LOC128462377: variants seen among roughly 807,000 people sequenced by gnomAD.
chr16:89,345,245 G>GC, the LOC128462377 span, among the ~76,000 whole-genome samples: 7 of 146,996 alleles, frequency 4.8e-5, no homozygotes, highest in Non-Finnish European at 9.0e-5. Context: ...CATATTACAA[G>GC]CCCCCCCTCC....
At chr16:89,367,621 T>C in the LOC128462377 span, among the ~76,000 whole-genome samples, 1 of 152,166 alleles carries the variant, frequency 6.6e-6, no homozygotes, top group Non-Finnish European at 1.5e-5. Flanking sequence ...TGGGGGCCTC[T>C]ATAAATCCTC....
chr16:89,374,904 C>T, the LOC128462377 span, among the ~76,000 whole-genome samples: 1 of 152,054 alleles, frequency 6.6e-6, no homozygotes, highest in South Asian at 2.1e-4. Context: ...GAAAGAATTA[C>T]AAACCATACA....
the LOC128462377 span, among the ~76,000 whole-genome samples, chr16:89,377,428 C>A: frequency 2.0e-5 from 3 of 148,566 alleles, no homozygotes; most frequent in Non-Finnish European, 3.0e-5. Context: ...ACAGGGTTTA[C>A]AACAGCCAAT....
chr16:89,410,531 C>T, the LOC128462377 span, among the ~76,000 whole-genome samples: 115 of 152,258 alleles, frequency 7.6e-4, 1 homozygote, highest in South Asian at 0.021. Flanking sequence ...CACCTGCCCC[C>T]GGGCTACAAA....
the LOC128462377 span, among the ~76,000 whole-genome samples, chr16:89,368,371 G>GTTT: frequency 1.4e-3 from 77 of 56,588 alleles, 2 homozygotes; most frequent in East Asian, 2.3e-3. Flanking sequence ...TAATTTTTGT[G>GTTT]TTTTTTTTTT....
chr16:89,338,682 G>A, the LOC128462377 span, among the ~76,000 whole-genome samples: 3 of 121,352 alleles, frequency 2.5e-5, no homozygotes, highest in Non-Finnish European at 4.7e-5. Flanking sequence ...CCAAGATCAC[G>A]CCACTGCCCT....
At chr16:89,326,855 C>T in the LOC128462377 span, among the ~76,000 whole-genome samples, 2 of 152,186 alleles carry the variant, frequency 1.3e-5, no homozygotes, top group South Asian at 2.1e-4. Context: ...AAAGCCTGCC[C>T]GCCAGGGGCT....
At chr16:89,343,881 A>G in the LOC128462377 span, 1 of 152,266 alleles carries the variant, frequency 6.6e-6, no homozygotes, top group South Asian at 2.1e-4. Context: ...ATGGACCAAC[A>G]GAGTAGGGAA....
the LOC128462377 span, chr16:89,323,000 T>C: frequency 3.3e-6 from 1 of 299,370 alleles, no homozygotes; most frequent in African/African-American, 2.3e-5. Flanking sequence ...CGTGGCACCA[T>C]GCCCGGCTAA....
chr16:89,341,147 C>T, the LOC128462377 span, among the ~76,000 whole-genome samples: 3 of 152,248 alleles, frequency 2.0e-5, no homozygotes, highest in South Asian at 2.1e-4. Context: ...GTTTCCACTG[C>T]GAAAAGCCTG....
At chr16:89,398,455 T>C in the LOC128462377 span, among the ~76,000 whole-genome samples, 36,915 of 87,568 alleles carry the variant, frequency 0.42, 13,804 homozygotes, top group Middle Eastern at 0.7. Context: ...CAGCTGAAGA[T>C]TACCTGTAAC....
chr16:89,408,273 G>GCTTCCACATTC, the LOC128462377 span, among the ~76,000 whole-genome samples: 1 of 152,248 alleles, frequency 6.6e-6, no homozygotes, highest in African/African-American at 2.4e-5. Context: ...TAGAGAAGTG[G>GCTTCCACATTC]CAGCCCTTCC....
the LOC128462377 span, among the ~76,000 whole-genome samples, chr16:89,321,930 C>T: frequency 6.6e-6 from 1 of 152,192 alleles, no homozygotes; most frequent in Non-Finnish European, 1.5e-5. Context: ...TTCGTGGAGA[C>T]CCGCTGCTGC....
At chr16:89,344,899 G>C in the LOC128462377 span, among the ~76,000 whole-genome samples, 4 of 152,180 alleles carry the variant, frequency 2.6e-5, no homozygotes, top group Non-Finnish European at 5.9e-5. Context: ...ATTTTCCTTA[G>C]TTTCATTACC....
At chr16:89,325,875 G>A in the LOC128462377 span, among the ~76,000 whole-genome samples, 1 of 152,292 alleles carries the variant, frequency 6.6e-6, no homozygotes, top group South Asian at 2.1e-4. Context: ...GGGCCCCATC[G>A]CCCTGCTAGG....
chr16:89,343,283 G>A, the LOC128462377 span, among the ~76,000 whole-genome samples: 3 of 152,296 alleles, frequency 2.0e-5, no homozygotes, highest in East Asian at 3.9e-4. Flanking sequence ...GTGAGCCACC[G>A]CACTGGGCCT....
chr16:89,371,722 G>C, the LOC128462377 span, among the ~76,000 whole-genome samples: 2 of 152,132 alleles, frequency 1.3e-5, no homozygotes, highest in Non-Finnish European at 2.9e-5. Context: ...TCTCGGGTGT[G>C]GAGGGCGATG....
the LOC128462377 span, among the ~76,000 whole-genome samples, chr16:89,349,579 C>T: frequency 1.3e-5 from 2 of 152,152 alleles, no homozygotes; most frequent in African/African-American, 2.4e-5. Flanking sequence ...ACAAATGATG[C>T]TGGAAATAAT....
chr16:89,404,411 C>T, the LOC128462377 span, among the ~76,000 whole-genome samples: 1 of 152,130 alleles, frequency 6.6e-6, no homozygotes, highest in African/African-American at 2.4e-5. Flanking sequence ...AAGGTACAAC[C>T]CTATTATGTC....
Sources: gnomAD v4.1 joint callset for allele counts (sites outside exome capture counted in the v4.1 genomes callset) on GRCh38, gnomAD v4.1.1 for gene constraint, MANE v1.5 for transcripts.